The following NLRP14 variants were observed in gnomAD, a reference collection of about 807,000 sequenced individuals.
NLRP14 encodes the protein NACHT, LRR and PYD domains-containing protein 14.
A neutral mutation model predicts 94.7 loss-of-function variants in NLRP14; 105 were observed. The ratio of observed to expected loss-of-function variants is 1.11; its 90% CI spans 0.95 to 1.30. The LOEUF (loss-of-function observed/expected upper bound fraction) is 1.30. Among genes scored for constraint, NLRP14 ranks in the 50% most tolerant of loss-of-function variants. NLRP14 has a pLI of 0.00. For missense variants in NLRP14, 1,362 were observed against 1,254.1 expected (o/e 1.09, Z -1.30); for synonymous variants, 508 against 459.9 (o/e 1.10, Z -1.34).
rs774697918 is a variant in NLRP14, at chr11:7,070,437, T to G, written c.3127T>G (p.Cys1043Gly). Residue 1043 changes from cysteine to glycine, a missense_variant, in exon 11 of 12, where the codon TGT becomes GGT. Coordinates refer to ENST00000299481, the MANE Select transcript of NLRP14 (RefSeq NM_176822.4). ...KLYKVLKSPKCKLQVLGLCKE... is the reference protein window; with the variant it reads ...KLYKVLKSPKGKLQVLGLCKE... ...ATATAAAGTCTTGAAGTCTCCTAAG[T>G]GTAAACTACAAGTTCTAGGGTAAGT... The G allele has an allele frequency of 7.4e-6, 12 of 1,611,280 alleles. No homozygotes were observed. The East Asian group carries it at 2.7e-4, about 36-fold the overall frequency.
chr11:7,033,786 T>G (rs1852126874), intron 1 of NLRP14, among the ~76,000 whole-genome samples: 1 of 152,192 alleles, frequency 6.6e-6, no homozygotes, highest in South Asian at 2.1e-4. Flanking sequence ...TCTCAGTCTT[T>G]CCTTGTTTTC....
chr11:7,090,311 C>G, the NLRP14 span: 1 of 1,580,618 alleles, frequency 6.3e-7, no homozygotes, highest in South Asian at 1.2e-5. Flanking sequence ...CAGGAACAGA[C>G]TTGGGACCAA....
At chr11:7,072,426 A>C (rs1852814513), downstream of NLRP14, among the ~76,000 whole-genome samples, 1 of 152,238 alleles carries the variant, frequency 6.6e-6, no homozygotes, top group African/African-American at 2.4e-5. Flanking sequence ...TTTAAAGCAG[A>C]GGCAAAGTTT....
At position 7,071,346 on chromosome 11, in the gene NLRP14, A is replaced by G. The variant is rs1852795257; in HGVS notation, c.*38A>G. The G allele has an allele frequency of 1.3e-6, 2 of 1,538,522 alleles. No individual in the cohort carries two copies. The highest frequency in any genetic ancestry group is 1.8e-6 in the Non-Finnish European group (2 of 1,120,982). On this transcript the variant is annotated 3_prime_UTR_variant, in exon 12 of 12. Transcript: ENST00000299481. ...GACATTCCTTTAAAAATATAAATAT[A>G]AATACATACATACATAGATATATAC...
At chr11:7,075,636 T>C (rs907377025), downstream of NLRP14, among the ~76,000 whole-genome samples, 1 of 152,208 alleles carries the variant, frequency 6.6e-6, no homozygotes, top group Non-Finnish European at 1.5e-5. Context: ...TTATTTGTCT[T>C]TGTTCTTTTC....
intron 10 of NLRP14, among the ~76,000 whole-genome samples, chr11:7,063,579 A>G (rs906478564): frequency 6.6e-6 from 1 of 152,078 alleles, no homozygotes; most frequent in East Asian, 1.9e-4. Flanking sequence ...AGAAAGACCT[A>G]TGGAAGAATA....
intron 3 of NLRP14, 72 bp downstream of exon 3, chr11:7,039,857 C>A: frequency 1.7e-6 from 2 of 1,175,606 alleles, no homozygotes; most frequent in South Asian, 1.2e-5. Flanking sequence ...ATTTATCTCC[C>A]GAGGACTTTT....
At chr11:7,089,477 G>T in the NLRP14 span, 1 of 1,265,390 alleles carries the variant, frequency 7.9e-7, no homozygotes, top group Non-Finnish European at 1.0e-6. Flanking sequence ...GCGGCCCGCG[G>T]CGTTCCCCAT....
chr11:7,066,756 A>C (rs529692167), intron 10 of NLRP14, among the ~76,000 whole-genome samples: 1 of 152,164 alleles, frequency 6.6e-6, no homozygotes, highest in Admixed American at 6.5e-5. Flanking sequence ...TTAGTCATGA[A>C]GTCTTTGTCC....
chr11:7,043,476 C>T lies in NLRP14; in HGVS notation c.1450C>T (p.Gln484Ter). Residue 484 changes from glutamine (Q) to a stop codon, truncating the protein, a stop_gained, in exon 4 of 12, where the codon CAG becomes TAG. Transcript: ENST00000299481. LOFTEE classifies it high-confidence loss of function. Reference protein sequence around the residue: ...NCYVFTHLHVQEFFAAMFYML... With the variant: ...NCYVFTHLHV ...CTATGTGTTCACCCACCTTCATGTT[C>T]AGGAGTTTTTTGCAGCTATGTTCTA... 6.2e-7 allele frequency: 1 copy of T among 1,614,110 alleles called. No individual in the cohort carries two copies. Among genetic ancestry groups the T allele is most frequent in the South Asian group, 1.1e-5 (1 of 91,080 alleles).
intron 1 of NLRP14, among the ~76,000 whole-genome samples, chr11:7,022,141 C>G (rs1851954312): frequency 6.6e-6 from 1 of 152,152 alleles, no homozygotes; most frequent in Admixed American, 6.5e-5. Context: ...CGGCCTAGAG[C>G]CTATCTGCCT....
chr11:7,086,525 C>T, the NLRP14 span, among the ~76,000 whole-genome samples: 6 of 152,300 alleles, frequency 3.9e-5, no homozygotes, highest in Admixed American at 1.3e-4. Context: ...ATTAATATTG[C>T]TTAAAGGCAG....
intron 10 of NLRP14, among the ~76,000 whole-genome samples, chr11:7,067,185 G>A (rs1045501801): frequency 6.6e-6 from 1 of 152,044 alleles, no homozygotes; most frequent in African/African-American, 2.4e-5. Context: ...GACTATACGG[G>A]CTCTTTTTTG....
At chr11:7,025,743 C>T (rs930842890) in intron 1 of NLRP14, among the ~76,000 whole-genome samples, 4 of 151,912 alleles carry the variant, frequency 2.6e-5, no homozygotes, top group African/African-American at 4.8e-5. Context: ...AGAGATTGGC[C>T]TTATATTTTG....
Position 7,043,670 on chromosome 11 carries a change from TAACTGTAAAATGTCA to T in NLRP14, c.1645_1659del (p.Asn549_Ser553del), listed in dbSNP as rs1168146686. On this transcript the variant is annotated inframe_deletion, in exon 4 of 12. Transcript: ENST00000299481. Reference sequence around the variant, plus strand: ...GAGTAAAACAACTGGAGAGGACTTTTAACTGTAAAATGTCACTGAAGATAAAATCAAAGTTACTTC... The same window carrying T: ...GAGTAAAACAACTGGAGAGGACTTTTCTGAAGATAAAATCAAAGTTACTTC... 3.1e-6 allele frequency: 5 copies of T among 1,613,972 alleles called. No individual in the cohort carries two copies. Among genetic ancestry groups the T allele is most frequent in the Non-Finnish European group, 3.4e-6 (4 of 1,179,976 alleles).
At chr11:7,050,732 C>A (rs2119651171) in intron 6 of NLRP14, among the ~76,000 whole-genome samples, 1 of 152,250 alleles carries the variant, frequency 6.6e-6, no homozygotes. Flanking sequence ...AGATGGAATT[C>A]ACTTACAGCA....
chr11:7,086,945 T>G, the NLRP14 span, among the ~76,000 whole-genome samples: 4 of 152,214 alleles, frequency 2.6e-5, no homozygotes, highest in African/African-American at 7.2e-5. Context: ...TGTTCCCCTA[T>G]AGACACTAAA....
intron 4 of NLRP14, among the ~76,000 whole-genome samples, chr11:7,045,593 AT>A (rs1280678192): frequency 1.3e-5 from 2 of 152,142 alleles, no homozygotes; most frequent in Non-Finnish European, 2.9e-5. Flanking sequence ...ATAATTTATT[AT>A]CCTGTTTTTA....
At chr11:7,089,000 A>G in the NLRP14 span, 1 of 1,193,284 alleles carries the variant, frequency 8.4e-7, no homozygotes, top group Non-Finnish European at 1.2e-6. Flanking sequence ...GGTTCCGTGG[A>G]CTCGGCGACT....
Sources: allele counts gnomAD v4.1 joint callset (sites outside exome capture counted in the v4.1 genomes callset), GRCh38; gene constraint gnomAD v4.1.1; transcripts MANE v1.5; gene names NCBI Gene and HGNC (gene_info 2026-07-23, HGNC 2026-07-21).